The following FKBP4 variants were observed in gnomAD, a reference collection of about 807,000 sequenced individuals.
FKBP4 encodes FKBP prolyl isomerase 4.
Under a neutral mutation model 54.1 loss-of-function variants are expected in FKBP4, and 28 were observed. The ratio of observed to expected loss-of-function variants is 0.52; its 90% CI spans 0.38 to 0.71. The LOEUF (loss-of-function observed/expected upper bound fraction) is 0.71. Among genes scored for constraint, FKBP4 ranks in the 30% least tolerant of loss-of-function variants. The pLI, the probability that FKBP4 is intolerant of heterozygous loss-of-function variation, is 0.00. For missense variants in FKBP4, 493 were observed against 574.4 expected (o/e 0.86, Z 1.45); for synonymous variants, 223 against 216.1 (o/e 1.03, Z -0.28).
At chr12:2,796,095 G>C in intron 1 of FKBP4, 1 of 1,202,502 alleles carries the variant, frequency 8.3e-7, no homozygotes, top group African/African-American at 1.6e-5. Flanking sequence ...TTGGGTCGGA[G>C]CAGGTTCCAG....
At chr12:2,799,028 A>T in intron 4 of FKBP4, 60 bp from the exon 5 acceptor site, 1 of 1,507,926 alleles carries the variant, frequency 6.6e-7, no homozygotes, top group Non-Finnish European at 8.9e-7. Context: ...GGCTGATGGC[A>T]TCCTTCCTCA....
rs1198410872 is a variant in FKBP4, at chr12:2,795,047, C to G, written c.-93C>G. ...CGCAGTCAGTGCCGCCGCGCCCGGC[C>G]TCCCGCACGCCCCGCAGGTAGCGCC... On this transcript the variant is annotated 5_prime_UTR_variant, in exon 1 of 10. Coordinates refer to ENST00000001008, the MANE Select transcript of FKBP4 (RefSeq NM_002014.4). The surrounding 1 kb of genome is among the most constrained non-coding windows in gnomAD (Gnocchi z 4.3). The G allele has an allele frequency of 5.6e-6, 4 of 711,006 alleles. No individual in the cohort carries two copies. The highest frequency in any genetic ancestry group is 7.7e-6 in the Non-Finnish European group (4 of 519,230). 44.0% of individuals were successfully genotyped at this position (711,006 alleles called of 1,614,324 possible).
Position 2,803,521 on chromosome 12 carries a change from AT to A in FKBP4, c.*266del. 2.5e-6 allele frequency: 1 copy of A among 395,832 alleles called. No individual in the cohort carries two copies. The highest frequency in any genetic ancestry group is 4.1e-5 in the East Asian group (1 of 24,446). The allele number at this position is 395,832 out of a possible 1,614,324, so 24.5% of individuals were successfully genotyped here. ...TCCATATATATTCATCAGAATGTTA[AT>A]TTATTTTGCTCCCTCTGTTAGGTCC... On this transcript the variant is annotated 3_prime_UTR_variant, in exon 10 of 10. Transcript: ENST00000001008.
intron 8 of FKBP4, 83 bp from the exon 9 acceptor site, chr12:2,801,034 G>T: frequency 6.4e-7 from 1 of 1,569,424 alleles, no homozygotes; most frequent in Non-Finnish European, 8.7e-7. Flanking sequence ...TCCTCCTGAG[G>T]GGTACCTTTG....
At chr12:2,799,993 A>T (rs1016415102) in intron 6 of FKBP4, 46 bp from the exon 7 acceptor site, 2 of 1,613,182 alleles carry the variant, frequency 1.2e-6, no homozygotes, top group Non-Finnish European at 1.7e-6. Context: ...CCTGTACGTG[A>T]CTCTGGGGTA....
Position 2,796,417 on chromosome 12 carries a change from T to G in FKBP4, c.106-721T>G, listed in dbSNP as rs890170342. 17 of 1,284,398 alleles carry G rather than the reference T, an allele frequency of 1.3e-5. 1 individual carries two copies. In the Admixed American group the frequency reaches 3.9e-4, roughly 30 times the overall value. 79.6% of individuals were successfully genotyped at this position (1,284,398 alleles called of 1,614,324 possible). The stretch of plus-strand genomic sequence containing the variant: ...CATCATTCCTTCCCTTTTACCTTTC[T>G]ACTCCTCAAAGCCCCTGTCTATTCT... On this transcript the variant is annotated intron_variant, in intron 1 of 9. Transcript: ENST00000001008.
intron 1 of FKBP4, chr12:2,796,714 G>A: frequency 9.4e-7 from 1 of 1,068,018 alleles, no homozygotes; most frequent in Non-Finnish European, 1.1e-6. Context: ...CCACTGGCAT[G>A]AAGGAAGAAG....
In FKBP4 at chr12:2,798,643, A is replaced by C. The variant is rs1415538979; in HGVS notation, c.394-63A>C. ...TAGTAGGGACTCTCTCGGATGAGAA[A>C]GATTGTGTTTCACTGCCCATGAGTT... On this transcript the variant is annotated intron_variant, in intron 3 of 9. Transcript: ENST00000001008. This position sits in a 1 kb window ranked among gnomAD's most constrained non-coding sequence, Gnocchi z 4.3. 6.2e-6 allele frequency: 10 copies of C among 1,609,098 alleles called. No homozygotes were observed. The highest frequency in any genetic ancestry group is 8.5e-6 in the Non-Finnish European group (10 of 1,177,862).
At chr12:2,797,589 C>A in intron 2 of FKBP4, 140 bp from the exon 3 acceptor site, 3 of 1,033,192 alleles carry the variant, frequency 2.9e-6, no homozygotes, top group Non-Finnish European at 4.2e-6. Context: ...TTAATACAAC[C>A]AGGTACCTCA....
intron 9 of FKBP4, 58 bp downstream of exon 9, chr12:2,801,414 G>C: frequency 6.2e-7 from 1 of 1,604,588 alleles, no homozygotes; most frequent in East Asian, 2.2e-5. Flanking sequence ...CCTGGCTACT[G>C]TGGGCTCTTT....
chr12:2,801,198 G>A lies in FKBP4; in HGVS notation c.1114G>A (p.Ala372Thr). The A allele has an allele frequency of 6.2e-7, 1 of 1,613,452 alleles. No homozygotes were observed. The highest frequency in any genetic ancestry group is 8.5e-7 in the Non-Finnish European group (1 of 1,180,046). The change falls in exon 9 of 10, where the codon GCA (alanine) becomes ACA (threonine). Residue 372 changes from alanine to threonine, a missense_variant. Physicochemically the swap from Ala to Thr is moderately conservative, Grantham distance 58. Transcript: ENST00000001008. ...CCTGGCCGTGAATGACTTTGAACTG[G>A]CACGGGCTGATTTCCAGAAGGTCCT... ...AHLAVNDFEL[A>T]RADFQKVLQL...
chr12:2,801,710 C>T (rs747897104), intron 9 of FKBP4: 2 of 431,746 alleles, frequency 4.6e-6, no homozygotes, highest in Non-Finnish European at 4.6e-6. Flanking sequence ...CTTAGGATGG[C>T]ACCACTGCAC....
At chr12:2,796,725 G>T (rs2097902065) in intron 1 of FKBP4, 1 of 1,065,404 alleles carries the variant, frequency 9.4e-7, no homozygotes, top group Non-Finnish European at 1.1e-6. Flanking sequence ...AAGGAAGAAG[G>T]AGGAAGTGTG....
intron 5 of FKBP4, 38 bp from the exon 6 acceptor site, chr12:2,799,812 G>C: frequency 6.4e-7 from 1 of 1,567,398 alleles, no homozygotes; most frequent in Non-Finnish European, 8.8e-7. Context: ...CAGGTTAAGT[G>C]TTGCCAAGAT....
intron 1 of FKBP4, 99 bp from the exon 2 acceptor site, chr12:2,797,039 A>AACAGT (rs1332099612): frequency 6.5e-6 from 10 of 1,533,954 alleles, no homozygotes; most frequent in Non-Finnish European, 8.8e-6. Context: ...ATGAACACAG[A>AACAGT]GAAGTCCCTT....
intron 1 of FKBP4, chr12:2,796,731 G>A (rs2097902074): frequency 9.4e-7 from 1 of 1,065,810 alleles, no homozygotes; most frequent in African/African-American, 1.7e-5. Context: ...GAAGGAGGAA[G>A]TGTGGCATAA....
intron 9 of FKBP4, among the ~76,000 whole-genome samples, chr12:2,802,949 A>G (rs2153920785): frequency 6.6e-6 from 1 of 152,130 alleles, no homozygotes; most frequent in Non-Finnish European, 1.5e-5. Flanking sequence ...GCTGATCTCA[A>G]ACTTCTGGGC....
chr12:2,796,673 C>T, intron 1 of FKBP4: 1 of 1,089,204 alleles, frequency 9.2e-7, no homozygotes, highest in Non-Finnish European at 1.1e-6. Context: ...CTCTCGCTCT[C>T]CTGTCTCCAA....
In FKBP4 at chr12:2,804,607, C is replaced by T. The variant is rs1333168342; in HGVS notation, c.*1349C>T. On this transcript the variant is annotated 3_prime_UTR_variant, in exon 10 of 10. Transcript: ENST00000001008. ...ATAATCCTGGCTCCAGGCCAGAGCC[C>T]GTGTCTGCCCTCATCCCTCTCTCCT... The T allele has an allele frequency of 6.6e-6, 1 of 152,452 alleles. No individual in the cohort carries two copies. The highest frequency in any genetic ancestry group is 2.4e-5 in the African/African-American group (1 of 41,458). 9.4% of individuals were successfully genotyped at this position (152,452 alleles called of 1,614,324 possible).
Sources: allele counts gnomAD v4.1 joint callset (sites outside exome capture counted in the v4.1 genomes callset), GRCh38; gene constraint gnomAD v4.1.1; non-coding constraint Gnocchi (gnomAD v3.1); transcripts MANE v1.5; gene names NCBI Gene and HGNC (gene_info 2026-07-23, HGNC 2026-07-21).